The following ADAMTS19 variants were observed in gnomAD, a reference collection of about 807,000 sequenced individuals.
The protein encoded by ADAMTS19 is A disintegrin and metalloproteinase with thrombospondin motifs 19.
ADAMTS19 carries 93 observed loss-of-function variants against 153.3 expected under a neutral mutation model. That is an observed-to-expected ratio of 0.61 (90% CI 0.51 to 0.72). The LOEUF (loss-of-function observed/expected upper bound fraction) is 0.72. Among genes scored for constraint, ADAMTS19 ranks in the 30% least tolerant of loss-of-function variants. ADAMTS19 has a pLI of 0.00. For missense variants in ADAMTS19, 1,482 were observed against 1,552.1 expected (o/e 0.95, Z 0.76); for synonymous variants, 600 against 556.6 (o/e 1.08, Z -1.10).
At chr5:129,607,264 G>T (rs967453484) in intron 8 of ADAMTS19, among the ~76,000 whole-genome samples, 1 of 152,108 alleles carries the variant, frequency 6.6e-6, no homozygotes, top group Non-Finnish European at 1.5e-5. Context: ...AATATCATTT[G>T]TCACTTAGAA....
chr5:129,730,246 A>G lies in ADAMTS19; in HGVS notation c.3313-4686A>G, dbSNP rs371679752. Among the ~76,000 whole-genome samples, 4 of 152,212 alleles carry G rather than the reference A, an allele frequency of 2.6e-5. 1 individual carries two copies. The highest frequency in any genetic ancestry group is 9.6e-5 in the African/African-American group (4 of 41,564). On this transcript the variant is annotated intron_variant, in intron 21 of 22. Transcript: ENST00000274487. ...GAAATTATAATAAAGCTTACACTGA[A>G]CTGGAAATATTCAAATCCTGTAGAA... is the stretch of plus-strand genomic sequence containing the variant.
chr5:129,582,545 C>A (rs1749565801), intron 7 of ADAMTS19, among the ~76,000 whole-genome samples: 1 of 151,668 alleles, frequency 6.6e-6, no homozygotes, highest in Non-Finnish European at 1.5e-5. Context: ...ACTATCCAAT[C>A]TCCTAGTCTG....
chr5:129,520,165 G>A (rs1328229640), intron 3 of ADAMTS19, among the ~76,000 whole-genome samples: 1 of 152,024 alleles, frequency 6.6e-6, no homozygotes, highest in Non-Finnish European at 1.5e-5. Flanking sequence ...ACTCCTTCCT[G>A]CCTCTAAGTC....
chr5:129,595,767 T>A (rs908396054), intron 7 of ADAMTS19, among the ~76,000 whole-genome samples: 2 of 152,120 alleles, frequency 1.3e-5, no homozygotes, highest in African/African-American at 2.4e-5. Flanking sequence ...TTATGATAAC[T>A]TGTTATTTGA....
rs755050494 is a variant in ADAMTS19, at chr5:129,684,115, T to C, written c.2665-5T>C. On this transcript the variant is annotated splice_polypyrimidine_tract_variant and splice_region_variant and intron_variant, in intron 17 of 22. Coordinates refer to ENST00000274487, the MANE Select transcript of ADAMTS19 (RefSeq NM_133638.6). Reference sequence around the variant, plus strand: ...ATCTGCCTTGATCATTTTTGTATACTATAGGTGCTCCTGTTTCAGGATCAG... The same window carrying C: ...ATCTGCCTTGATCATTTTTGTATACCATAGGTGCTCCTGTTTCAGGATCAG... 1 of 1,613,588 alleles carries C rather than the reference T, an allele frequency of 6.2e-7. No homozygotes were observed. The highest frequency in any genetic ancestry group is 8.5e-7 in the Non-Finnish European group (1 of 1,179,796).
chr5:129,699,976 G>C (rs1346629561), intron 19 of ADAMTS19, among the ~76,000 whole-genome samples: 1 of 152,128 alleles, frequency 6.6e-6, no homozygotes, highest in Non-Finnish European at 1.5e-5. Flanking sequence ...AATGTGCACA[G>C]CTAATAAGGT....
chr5:129,616,432 T>C (rs1412858310), intron 8 of ADAMTS19, among the ~76,000 whole-genome samples: 1 of 151,996 alleles, frequency 6.6e-6, no homozygotes, highest in Non-Finnish European at 1.5e-5. Flanking sequence ...AATATTACTG[T>C]TTACAAATCA....
At chr5:129,734,792 A>G (rs1234701300) in intron 21 of ADAMTS19, 140 bp from the exon 22 acceptor site, 2 of 706,032 alleles carry the variant, frequency 2.8e-6, no homozygotes, top group African/African-American at 3.8e-5. Flanking sequence ...TTTCTGACCC[A>G]TGTTTTGCAT....
At chr5:129,538,784 C>A (rs1347308500) in intron 6 of ADAMTS19, among the ~76,000 whole-genome samples, 1 of 152,024 alleles carries the variant, frequency 6.6e-6, no homozygotes, top group Non-Finnish European at 1.5e-5. Flanking sequence ...GTATACTTTT[C>A]TTGGAAATGT....
At chr5:129,543,788 G>A (rs573588413) in intron 6 of ADAMTS19, among the ~76,000 whole-genome samples, 6 of 152,210 alleles carry the variant, frequency 3.9e-5, no homozygotes, top group Non-Finnish European at 8.8e-5. Context: ...TCAGCTAAGA[G>A]AACCACAGGA....
At chr5:129,609,365 G>A (rs1751085715) in intron 8 of ADAMTS19, among the ~76,000 whole-genome samples, 1 of 152,088 alleles carries the variant, frequency 6.6e-6, no homozygotes, top group Non-Finnish European at 1.5e-5. Flanking sequence ...CTAGTGTCAT[G>A]GCACAATGAT....
At chr5:129,502,297 G>C (rs1235626291) in intron 2 of ADAMTS19, among the ~76,000 whole-genome samples, 3 of 152,090 alleles carry the variant, frequency 2.0e-5, no homozygotes, top group African/African-American at 7.2e-5. Flanking sequence ...TGATTTGGGG[G>C]TGGGGACTAG....
At chr5:129,689,769 T>C (rs1181239779) in intron 18 of ADAMTS19, among the ~76,000 whole-genome samples, 7 of 152,168 alleles carry the variant, frequency 4.6e-5, no homozygotes, top group Non-Finnish European at 8.8e-5. Context: ...AAAATAAACA[T>C]TATTTGCCAA....
At chr5:129,476,971 C>T (rs1032339765) in intron 2 of ADAMTS19, among the ~76,000 whole-genome samples, 1 of 152,086 alleles carries the variant, frequency 6.6e-6, no homozygotes, top group Non-Finnish European at 1.5e-5. Flanking sequence ...GCCCTGGAAA[C>T]ACTTGGCTCA....
chr5:129,523,050 A>G (rs1000550820), intron 3 of ADAMTS19, among the ~76,000 whole-genome samples: 60 of 133,870 alleles, frequency 4.5e-4, no homozygotes, highest in Non-Finnish European at 8.2e-4. Context: ...GTGAGACTCC[A>G]TCTCAAAAAA....
chr5:129,665,459 G>A, intron 15 of ADAMTS19, 40 bp from the exon 16 acceptor site: 1 of 1,466,718 alleles, frequency 6.8e-7, no homozygotes, highest in South Asian at 1.3e-5. Context: ...AGATTTTGAA[G>A]GAACTCAAGA....
chr5:129,593,829 C>A lies in ADAMTS19; in HGVS notation c.1373-2730C>A, dbSNP rs1308516576. ...ATCCTCAGCTGAAGCAACATATTTT[C>A]TGACTCATTACATTAAGCACTCCTG... On this transcript the variant is annotated intron_variant, in intron 7 of 22. Coordinates refer to ENST00000274487, the MANE Select transcript of ADAMTS19 (RefSeq NM_133638.6). Among the ~76,000 whole-genome samples, 3 of 152,302 alleles carry A rather than the reference C, an allele frequency of 2.0e-5. No individual in the cohort carries two copies. In the East Asian group the frequency reaches 5.8e-4, roughly 29 times the overall value.
chr5:129,483,329 C>T (rs1037533362), intron 2 of ADAMTS19, among the ~76,000 whole-genome samples: 2 of 152,126 alleles, frequency 1.3e-5, no homozygotes, highest in Admixed American at 1.3e-4. Flanking sequence ...GTATTTTCTA[C>T]CTCATATGGT....
At chr5:129,462,156 T>C (rs914745793) in intron 2 of ADAMTS19, among the ~76,000 whole-genome samples, 1 of 152,208 alleles carries the variant, frequency 6.6e-6, no homozygotes, top group African/African-American at 2.4e-5. Context: ...CCTTCGTGTT[T>C]GCGCCGCACT....
Sources: allele counts gnomAD v4.1 joint callset (sites outside exome capture counted in the v4.1 genomes callset), GRCh38; gene constraint gnomAD v4.1.1; transcripts MANE v1.5; gene names NCBI Gene and HGNC (gene_info 2026-07-23, HGNC 2026-07-21).